The following CLMN variants were observed in gnomAD, a reference collection of about 807,000 sequenced individuals.
The protein encoded by CLMN is calmin (calponin-like, transmembrane).
CLMN carries 57 observed loss-of-function variants against 92.7 expected under a neutral mutation model. The observed-to-expected ratio is 0.61, with a 90% CI of 0.50 to 0.77. CLMN has a LOEUF of 0.77. Ranked by LOEUF, CLMN falls within the 30% of genes least tolerant of loss-of-function variation. The probability of loss-of-function intolerance (pLI) is 0.00; values close to 1 mark genes in which losing one functional copy is unlikely to be tolerated. For missense variants in CLMN, 1,158 were observed against 1,237.5 expected, an observed-to-expected ratio of 0.94 and a Z score of 0.96; for synonymous variants, 466 against 470.6, an observed-to-expected ratio of 0.99 and a Z score of 0.13.
chr14:95,223,949 T>G, intron 2 of CLMN, 94 bp from the exon 3 acceptor site: 2 of 858,872 alleles, frequency 2.3e-6, no homozygotes, highest in Non-Finnish European at 3.7e-6. Context: ...AGAGAAAACT[T>G]CCAAACATCC....
intron 8 of CLMN, among the ~76,000 whole-genome samples, chr14:95,205,026 T>C (rs1897008627): frequency 3.3e-5 from 5 of 152,218 alleles, no homozygotes; most frequent in Admixed American, 2.0e-4. Context: ...GGGGCAGGGC[T>C]GAAAAGCAGA....
At chr14:95,288,338 A>G (rs1900422625) in intron 1 of CLMN, among the ~76,000 whole-genome samples, 1 of 152,194 alleles carries the variant, frequency 6.6e-6, no homozygotes, top group Admixed American at 6.5e-5. Flanking sequence ...TAGGCTTTTG[A>G]AAGAGATAAG....
chr14:95,283,989 C>T (rs1900241611), intron 1 of CLMN, among the ~76,000 whole-genome samples: 1 of 152,142 alleles, frequency 6.6e-6, no homozygotes, highest in Non-Finnish European at 1.5e-5. Flanking sequence ...TCATGGCAGC[C>T]CCTCCCATCA....
chr14:95,202,384 T>C (rs1896908805), intron 9 of CLMN, among the ~76,000 whole-genome samples: 1 of 152,138 alleles, frequency 6.6e-6, no homozygotes, highest in African/African-American at 2.4e-5. Flanking sequence ...GCACTAATAT[T>C]TGGTTTCTGT....
chr14:95,210,824 G>A lies in CLMN; in HGVS notation c.664C>T (p.Leu222=), dbSNP rs1897177131. 1 of 1,577,616 alleles carries A rather than the reference G, an allele frequency of 6.3e-7. No homozygotes were observed. The highest frequency in any genetic ancestry group is 8.6e-7 in the Non-Finnish European group (1 of 1,167,270). ...AGSWRSGLAF[L]AVIKAIDPSL... ...GGGTCAATGGCCTTGATCACCGCCA[G>A]GAAAGCCAGCCCACTCCTCCAACTG... The change falls in exon 7 of 13, where the codon CTG becomes TTG. Residue 222 remains leucine, a synonymous_variant. Coordinates refer to ENST00000298912, the MANE Select transcript of CLMN (RefSeq NM_024734.4).
chr14:95,255,694 C>T (rs547005942), intron 1 of CLMN, among the ~76,000 whole-genome samples: 1 of 152,158 alleles, frequency 6.6e-6, no homozygotes, highest in Admixed American at 6.5e-5. Flanking sequence ...TCACAAGCCA[C>T]ACCCCTCCCA....
chr14:95,280,387 G>C (rs1328341222), intron 1 of CLMN, among the ~76,000 whole-genome samples: 2 of 152,106 alleles, frequency 1.3e-5, no homozygotes, highest in Admixed American at 6.5e-5. Context: ...AACATTAAAA[G>C]ATAATAAAAG....
At chr14:95,224,311 C>T (rs1331747580) in intron 2 of CLMN, among the ~76,000 whole-genome samples, 2 of 152,070 alleles carry the variant, frequency 1.3e-5, no homozygotes, top group Non-Finnish European at 2.9e-5. Context: ...ACAAGAGTCA[C>T]GCTCTGTCGC....
At chr14:95,253,707 G>T (rs1311128233) in intron 1 of CLMN, among the ~76,000 whole-genome samples, 1 of 151,712 alleles carries the variant, frequency 6.6e-6, no homozygotes, top group African/African-American at 2.4e-5. Context: ...CCGCCTCCCG[G>T]GTTCACGCCA....
In CLMN at chr14:95,315,751, C is replaced by G. The variant is rs139738336; in HGVS notation, c.82+3960G>C. Among the ~76,000 whole-genome samples, 27 of 152,322 alleles carry G rather than the reference C, an allele frequency of 1.8e-4. No individual in the cohort carries two copies. In the East Asian group the frequency reaches 5.2e-3, roughly 29 times the overall value. On this transcript the variant is annotated intron_variant, in intron 1 of 12. Transcript: ENST00000298912. Reference sequence around the variant, plus strand: ...AAAGCACCAGAATGACAGGGGATGGCCCAAAGCAGAACTGACCTCTGCACC... The same window carrying G: ...AAAGCACCAGAATGACAGGGGATGGGCCAAAGCAGAACTGACCTCTGCACC...
rs370655092 is a variant in CLMN at position 95,203,493 on chromosome 14, G to A, written c.1856C>T (p.Ser619Leu). The A allele has an allele frequency of 3.8e-5, 61 of 1,613,952 alleles. No individual in the cohort carries two copies. Among genetic ancestry groups the A allele is most frequent in the Non-Finnish European group, 4.4e-5 (52 of 1,180,030 alleles). ...SIKSAHKKKD[S>L]PEPQVKMDKH... is the part of the protein sequence containing the mutation. Reference sequence around the variant, plus strand: ...GTCCATCTTAACTTGAGGCTCTGGCGAATCCTTCTTTTTGTGAGCAGATTT... The same window carrying A: ...GTCCATCTTAACTTGAGGCTCTGGCAAATCCTTCTTTTTGTGAGCAGATTT... The change falls in exon 9 of 13, where the codon TCG (serine) becomes TTG (leucine). Residue 619 changes from serine (S) to leucine (L), a missense_variant. Ser to Leu is a moderately radical substitution (Grantham distance 145). Coordinates refer to ENST00000298912, the MANE Select transcript of CLMN (RefSeq NM_024734.4).
intron 1 of CLMN, among the ~76,000 whole-genome samples, chr14:95,243,493 C>T (rs778961777): frequency 1.3e-5 from 2 of 152,116 alleles, no homozygotes; most frequent in African/African-American, 4.8e-5. Flanking sequence ...CTCTGTTTTC[C>T]TTCTTCAACA....
chr14:95,265,428 C>T (rs1899434506), intron 1 of CLMN, among the ~76,000 whole-genome samples: 2 of 152,204 alleles, frequency 1.3e-5, no homozygotes, highest in Admixed American at 6.5e-5. Flanking sequence ...GCCTGCTGAC[C>T]TACCTTACTG....
intron 1 of CLMN, among the ~76,000 whole-genome samples, chr14:95,293,440 C>T (rs1398885276): frequency 6.8e-6 from 1 of 147,264 alleles, no homozygotes; most frequent in Non-Finnish European, 1.5e-5. Flanking sequence ...TTCCTCCCTT[C>T]CTCCCTATTT....
intron 1 of CLMN, among the ~76,000 whole-genome samples, chr14:95,234,343 C>T (rs886224033): frequency 3.9e-5 from 6 of 152,368 alleles, no homozygotes; most frequent in East Asian, 3.9e-4. Flanking sequence ...AGGTCTGCGG[C>T]TCTTTCATGG....
intron 1 of CLMN, among the ~76,000 whole-genome samples, chr14:95,234,544 T>C (rs1456621242): frequency 6.6e-6 from 1 of 152,034 alleles, no homozygotes; most frequent in Non-Finnish European, 1.5e-5. Flanking sequence ...TGGGGCCCGG[T>C]GTGGGTTTAA....
At chr14:95,304,445 G>C (rs1448954017) in intron 1 of CLMN, among the ~76,000 whole-genome samples, 2 of 152,114 alleles carry the variant, frequency 1.3e-5, no homozygotes, top group Non-Finnish European at 2.9e-5. Flanking sequence ...GGGAATTAGT[G>C]GTGGCAGGTA....
chr14:95,299,673 G>T (rs1454030009), intron 1 of CLMN, among the ~76,000 whole-genome samples: 1 of 152,188 alleles, frequency 6.6e-6, no homozygotes, highest in Non-Finnish European at 1.5e-5. Flanking sequence ...TTCGAGTCCA[G>T]GCTGTGGGCT....
chr14:95,229,857 T>G (rs1468279621), intron 2 of CLMN, among the ~76,000 whole-genome samples: 1 of 152,010 alleles, frequency 6.6e-6, no homozygotes, highest in Admixed American at 6.6e-5. Context: ...TTCCTTCCCC[T>G]GATAAGAATG....
Sources: allele counts gnomAD v4.1 joint callset (sites outside exome capture counted in the v4.1 genomes callset), GRCh38; gene constraint gnomAD v4.1.1; transcripts MANE v1.5; gene names NCBI Gene and HGNC (gene_info 2026-07-23, HGNC 2026-07-21).